The following RMDN1 variants were observed in gnomAD, a reference collection of about 807,000 sequenced individuals.
The protein encoded by RMDN1 is regulator of microtubule dynamics 1.
RMDN1 carries 48 observed loss-of-function variants against 48.9 expected under a neutral mutation model. The observed-to-expected ratio is 0.98, with a 90% CI of 0.78 to 1.25. RMDN1 has a LOEUF of 1.25. Among genes scored for constraint, RMDN1 ranks in the 50% most tolerant of loss-of-function variants. The pLI is 0.00. For missense variants in RMDN1, 418 were observed against 373.4 expected (o/e 1.12, Z -0.98); for synonymous variants, 148 against 132.6 (o/e 1.12, Z -0.80).
At chr8:86,481,174 G>A (rs1229350444) in intron 5 of RMDN1, among the ~76,000 whole-genome samples, 1 of 152,000 alleles carries the variant, frequency 6.6e-6, no homozygotes, top group Non-Finnish European at 1.5e-5. Flanking sequence ...TCAAATATTT[G>A]TAATGGTTAA....
Position 86,473,914 on chromosome 8 carries a change from A to T in RMDN1, c.*394T>A. ...CCACTGTCACCACACCTTCTCTTCA[A>T]GATTTCAACTTAGAATCAATCCAAT... On this transcript the variant is annotated 3_prime_UTR_variant, in exon 10 of 10. Transcript: ENST00000406452. 1.0e-6 allele frequency: 1 copy of T among 1,003,160 alleles called. No homozygotes were observed. 62.1% of individuals were successfully genotyped at this position (1,003,160 alleles called of 1,614,324 possible). A position where few individuals can be genotyped will look rare whatever the true frequency, so the allele number is the denominator to read the frequency against.
chr8:86,469,468 G>A (rs542637156), downstream of RMDN1, among the ~76,000 whole-genome samples: 10 of 152,244 alleles, frequency 6.6e-5, no homozygotes, highest in Admixed American at 2.6e-4. Flanking sequence ...AAGGAGGACC[G>A]TGAGCTGTCA....
At chr8:86,509,738 A>G (rs1207952946), upstream of RMDN1, among the ~76,000 whole-genome samples, 3 of 152,104 alleles carry the variant, frequency 2.0e-5, no homozygotes, top group Admixed American at 1.3e-4. Flanking sequence ...ATGTCTTTCT[A>G]CTCTGAGTCC....
At chr8:86,507,328 T>C (rs886146802) in intron 1 of RMDN1, among the ~76,000 whole-genome samples, 1 of 152,158 alleles carries the variant, frequency 6.6e-6, no homozygotes, top group Admixed American at 6.6e-5. Flanking sequence ...CATCTAAAAA[T>C]CACACTCCTG....
intron 2 of RMDN1, among the ~76,000 whole-genome samples, chr8:86,506,455 T>G (rs1355924987): frequency 6.6e-6 from 1 of 152,202 alleles, no homozygotes; most frequent in African/African-American, 2.4e-5. Flanking sequence ...TCTCAATCTT[T>G]CCAACAGACC....
intron 7 of RMDN1, 191 bp from the exon 8 acceptor site, chr8:86,477,515 T>C (rs959957351): frequency 6.0e-6 from 3 of 496,998 alleles, no homozygotes; most frequent in Non-Finnish European, 1.1e-5. Context: ...TCATCAAGAT[T>C]ACAATATATG....
At chr8:86,484,324 G>C (rs1375877298) in intron 5 of RMDN1, among the ~76,000 whole-genome samples, 1 of 150,214 alleles carries the variant, frequency 6.7e-6, no homozygotes, top group Non-Finnish European at 1.5e-5. Context: ...TGTAGTCTCA[G>C]CTGAGGGCCC....
chr8:86,473,923 C>G lies in RMDN1; in HGVS notation c.*385G>C, dbSNP rs1812929489. ...CCACACCTTCTCTTCAAGATTTCAA[C>G]TTAGAATCAATCCAATTTGAAAATC... On this transcript the variant is annotated 3_prime_UTR_variant, in exon 10 of 10. Coordinates refer to ENST00000406452, the MANE Select transcript of RMDN1 (RefSeq NM_016033.3). 1 of 1,007,570 alleles carries G rather than the reference C, an allele frequency of 9.9e-7. No homozygotes were observed. Among genetic ancestry groups the G allele is most frequent in the Non-Finnish European group, 1.2e-6 (1 of 844,422 alleles). 62.4% of individuals were successfully genotyped at this position (1,007,570 alleles called of 1,614,324 possible).
rs1488525163 is a variant in RMDN1 at position 86,486,494 on chromosome 8, G to T, written c.485C>A (p.Ala162Glu). Residue 162 changes from alanine (A) to glutamate (E), a missense_variant, in exon 4 of 10, where the codon GCA becomes GAA. Physicochemically the swap from Ala to Glu is moderately radical, Grantham distance 107 (BLOSUM62 -1). Transcript: ENST00000406452. ...RALEKNESSF[A>E]SHKWYAICLS... ...AGTTAAGCAACTCACCTTATGAGAT[G>T]CAAAACTTGATTCATTTTTTTCTAG... is the stretch of plus-strand genomic sequence containing the variant. 2 of 1,597,338 alleles carry T rather than the reference G, an allele frequency of 1.3e-6. No homozygotes were observed. Among genetic ancestry groups the T allele is most frequent in the Non-Finnish European group, 1.7e-6 (2 of 1,169,774 alleles).
At chr8:86,491,318 TAG>T (rs1816459280) in intron 2 of RMDN1, among the ~76,000 whole-genome samples, 1 of 151,992 alleles carries the variant, frequency 6.6e-6, no homozygotes, top group Non-Finnish European at 1.5e-5. Context: ...GTATTTTTAG[TAG>T]AGACAGGGTT....
At chr8:86,488,786 G>C (rs977205083) in intron 2 of RMDN1, 147 bp from the exon 3 acceptor site, 9 of 470,098 alleles carry the variant, frequency 1.9e-5, no homozygotes, top group African/African-American at 1.8e-4. Flanking sequence ...CAGAAATTAG[G>C]AAGAACCTAG....
intron 2 of RMDN1, among the ~76,000 whole-genome samples, chr8:86,496,144 C>T (rs893878805): frequency 3.3e-5 from 5 of 152,152 alleles, no homozygotes; most frequent in African/African-American, 1.2e-4. Flanking sequence ...ACAAGAGGTC[C>T]TTAAAGGAGT....
chr8:86,481,826 A>G (rs7011900), intron 5 of RMDN1: 29,256 of 1,013,456 alleles, frequency 0.029, 605 homozygotes, highest in African/African-American at 0.07. Context: ...CTTTATTTCC[A>G]GGAAACAGTG....
At chr8:86,488,678 G>A in intron 2 of RMDN1, 39 bp from the exon 3 acceptor site, 1 of 1,397,480 alleles carries the variant, frequency 7.2e-7, no homozygotes, top group Non-Finnish European at 1.0e-6. Flanking sequence ...CAATAAAATA[G>A]GTCTTCCCAA....
intron 2 of RMDN1, among the ~76,000 whole-genome samples, chr8:86,492,211 C>A (rs1421913755): frequency 6.6e-6 from 1 of 152,056 alleles, no homozygotes; most frequent in South Asian, 2.1e-4. Flanking sequence ...TTAAAAAACA[C>A]ACAAAAACAA....
rs1162912915 is a variant in RMDN1 at position 86,472,614 on chromosome 8, A to G, written c.*1694T>C. Reference sequence around the variant, plus strand: ...CTGGTGATGCTACTGTTGCCTAGCTACCCTGACCACATTATTTTTTCACTG... The same window carrying G: ...CTGGTGATGCTACTGTTGCCTAGCTGCCCTGACCACATTATTTTTTCACTG... On this transcript the variant is annotated 3_prime_UTR_variant, in exon 10 of 10. Coordinates refer to ENST00000406452, the MANE Select transcript of RMDN1 (RefSeq NM_016033.3). 4 of 607,602 alleles carry G rather than the reference A, an allele frequency of 6.6e-6. No individual in the cohort carries two copies. The highest frequency in any genetic ancestry group is 1.2e-5 in the Non-Finnish European group (4 of 344,094). The allele number at this position is 607,602 out of a possible 1,614,324, so 37.6% of individuals were successfully genotyped here. A position where few individuals can be genotyped will look rare whatever the true frequency, so the allele number is the denominator to read the frequency against.
At chr8:86,492,614 A>G (rs1251218852) in intron 2 of RMDN1, among the ~76,000 whole-genome samples, 1 of 151,600 alleles carries the variant, frequency 6.6e-6, no homozygotes, top group Non-Finnish European at 1.5e-5. Context: ...GATCGCACCA[A>G]TGCACTCTAG....
intron 8 of RMDN1, among the ~76,000 whole-genome samples, chr8:86,475,713 C>CT (rs1370483172): frequency 6.6e-6 from 1 of 152,174 alleles, no homozygotes; most frequent in Non-Finnish European, 1.5e-5. Context: ...TCAAAGCATA[C>CT]TTTTTCCTGT....
chr8:86,495,822 A>G (rs767813733), intron 2 of RMDN1, among the ~76,000 whole-genome samples: 4 of 152,206 alleles, frequency 2.6e-5, no homozygotes, highest in Non-Finnish European at 5.9e-5. Flanking sequence ...AAGATAGTAT[A>G]TAAAACAACC....
Sources: gnomAD v4.1 joint callset for allele counts (sites outside exome capture counted in the v4.1 genomes callset) on GRCh38, gnomAD v4.1.1 for gene constraint, MANE v1.5 for transcripts, NCBI Gene and HGNC (gene_info 2026-07-23, HGNC 2026-07-21) for gene names.